PM20D2: variants seen among roughly 807,000 people sequenced by gnomAD.
PM20D2 encodes xaa-Arg dipeptidase.
In PM20D2, 33 loss-of-function variants were observed where a neutral mutation model predicts 42.9. That is an observed-to-expected ratio of 0.77 (90% confidence interval 0.58 to 1.03). The LOEUF (loss-of-function observed/expected upper bound fraction) is 1.03, where lower values mean the gene tolerates loss of function less well. PM20D2 is among the 50% of genes least tolerant of loss of function. PM20D2 has a pLI of 0.00. For synonymous variants in PM20D2, 250 were observed against 228.2 expected (o/e 1.10, Z -0.86); for missense variants, 548 against 557.0 (o/e 0.98, Z 0.16).
At chr6:89,158,119 AG>A (rs1179550982) in intron 4 of PM20D2, among the ~76,000 whole-genome samples, 1 of 152,200 alleles carries the variant, frequency 6.6e-6, no homozygotes, top group African/African-American at 2.4e-5. Context: ...GTGTATATAT[AG>A]CATAAAAGAG....
At chr6:89,102,469 C>T in the PM20D2 span, among the ~76,000 whole-genome samples, 1 of 151,844 alleles carries the variant, frequency 6.6e-6, no homozygotes, top group South Asian at 2.1e-4. Flanking sequence ...ACTGAAAATA[C>T]ATTGATGTAG....
At chr6:89,149,211 T>C (rs958034773) in intron 1 of PM20D2, 54 bp from the exon 2 acceptor site, 1 of 1,578,728 alleles carries the variant, frequency 6.3e-7, no homozygotes, top group African/African-American at 1.4e-5. Context: ...ACCTGTTTGA[T>C]ATATTCCTAT....
chr6:89,104,199 T>C, the PM20D2 span, among the ~76,000 whole-genome samples: 1 of 150,186 alleles, frequency 6.7e-6, no homozygotes, highest in African/African-American at 2.4e-5. Context: ...TTTAGGAAAA[T>C]TTTATTTATC....
chr6:89,100,668 A>G, the PM20D2 span, among the ~76,000 whole-genome samples: 3,064 of 152,328 alleles, frequency 0.02, 56 homozygotes, highest in Non-Finnish European at 0.035. Context: ...AATAAGAGGA[A>G]AAGACAAAAC....
chr6:89,097,771 T>C, the PM20D2 span: 1 of 152,252 alleles, frequency 6.6e-6, no homozygotes, highest in Admixed American at 6.5e-5. Flanking sequence ...AGTAGGTATG[T>C]GGAAATAATG....
At chr6:89,162,088 T>G (rs1235831278) in intron 6 of PM20D2, 21 bp from the exon 7 acceptor site, 4 of 1,593,086 alleles carry the variant, frequency 2.5e-6, no homozygotes, top group Admixed American at 3.7e-5. Context: ...AAGGAGGTAT[T>G]TTATTTTCTC....
At chr6:89,138,384 G>C in the PM20D2 span, among the ~76,000 whole-genome samples, 1 of 152,172 alleles carries the variant, frequency 6.6e-6, no homozygotes, top group African/African-American at 2.4e-5. Flanking sequence ...AGAAATGAGA[G>C]CATCAACTGC....
At chr6:89,161,751 A>C (rs765831211) in intron 5 of PM20D2, 32 bp from the exon 6 acceptor site, 1 of 1,508,606 alleles carries the variant, frequency 6.6e-7, no homozygotes, top group South Asian at 1.1e-5. Context: ...CATATACTTA[A>C]ATAGACTTTT....
rs1475584426 is a variant in PM20D2, at chr6:89,164,333, G to A, written c.*2070G>A. ...ATTCAGTGAACACTGGTTGAGGAGT[G>A]CCTATTTCTAAGCACTGGGTGTAAG... On this transcript the variant is annotated 3_prime_UTR_variant, in exon 7 of 7. Transcript: ENST00000275072. The A allele has an allele frequency of 6.6e-6, 1 of 152,538 alleles. No homozygotes were observed. Among genetic ancestry groups the A allele is most frequent in the African/African-American group, 2.4e-5 (1 of 41,448 alleles). The allele number at this position is 152,538 out of a possible 1,614,324, so 9.4% of individuals were successfully genotyped here.
In PM20D2 at chr6:89,158,043, C is replaced by T. The variant is rs113182792; in HGVS notation, c.913-282C>T. ...AAAAATTTCTGGGCCCTTCTCATACCCTATCTAGGTGACTGAAGTTGACAC... is the reference window on the plus strand; with the variant it reads ...AAAAATTTCTGGGCCCTTCTCATACTCTATCTAGGTGACTGAAGTTGACAC... On this transcript the variant is annotated intron_variant, in intron 4 of 6. Coordinates refer to ENST00000275072, the MANE Select transcript of PM20D2 (RefSeq NM_001010853.3). Among the ~76,000 whole-genome samples, 1,134 of 152,106 alleles carry T rather than the reference C, an allele frequency of 7.5e-3. 15 individuals are homozygous for T. Among genetic ancestry groups the T allele is most frequent in the African/African-American group, 0.026 (1,085 of 41,500 alleles).
Position 89,163,570 on chromosome 6 carries a change from C to T in PM20D2, c.*1307C>T, listed in dbSNP as rs1222198013. The T allele has an allele frequency of 6.6e-6, 1 of 152,240 alleles. No homozygotes were observed. The highest frequency in any genetic ancestry group is 2.4e-5 in the African/African-American group (1 of 41,416). The allele number at this position is 152,240 out of a possible 1,614,324, so 9.4% of individuals were successfully genotyped here. ...TCACAGCTCACTGCAGTCTCGAACT[C>T]CTGGACTCAAGCAGTCCTCCCACCT... is the stretch of plus-strand genomic sequence containing the variant. On this transcript the variant is annotated 3_prime_UTR_variant, in exon 7 of 7. Coordinates refer to ENST00000275072, the MANE Select transcript of PM20D2 (RefSeq NM_001010853.3).
At chr6:89,121,005 A>AT in the PM20D2 span, among the ~76,000 whole-genome samples, 1 of 152,082 alleles carries the variant, frequency 6.6e-6, no homozygotes, top group Non-Finnish European at 1.5e-5. Flanking sequence ...GTATTGTCAG[A>AT]TTTTTTTAAT....
the PM20D2 span, among the ~76,000 whole-genome samples, chr6:89,111,031 G>A: frequency 1.3e-5 from 2 of 152,060 alleles, no homozygotes; most frequent in African/African-American, 4.8e-5. Context: ...AGAATCACTT[G>A]AGCCCAGGAG....
chr6:89,105,668 A>G, the PM20D2 span: 1 of 565,494 alleles, frequency 1.8e-6, no homozygotes, highest in Non-Finnish European at 2.9e-6. Context: ...TAATATGAAT[A>G]ATCAGAAAAA....
chr6:89,101,741 G>C, the PM20D2 span, among the ~76,000 whole-genome samples: 1 of 151,944 alleles, frequency 6.6e-6, no homozygotes, highest in Non-Finnish European at 1.5e-5. Context: ...CCTTGCCAGA[G>C]AATGAAAGAC....
chr6:89,100,148 T>C, the PM20D2 span, among the ~76,000 whole-genome samples: 2 of 152,202 alleles, frequency 1.3e-5, no homozygotes, highest in Non-Finnish European at 2.9e-5. Context: ...CTTAAATCAC[T>C]GGCCATCTTC....
At chr6:89,114,937 C>G in the PM20D2 span, among the ~76,000 whole-genome samples, 1 of 151,868 alleles carries the variant, frequency 6.6e-6, no homozygotes, top group Non-Finnish European at 1.5e-5. Flanking sequence ...GCTGGGATCA[C>G]AGGCACGCAC....
At chr6:89,107,321 A>G in the PM20D2 span, 17 of 1,318,172 alleles carry the variant, frequency 1.3e-5, no homozygotes, top group African/African-American at 2.5e-4. Flanking sequence ...TTTTGCCTAC[A>G]GAAATCCACT....
the PM20D2 span, among the ~76,000 whole-genome samples, chr6:89,094,781 C>T: frequency 7.2e-6 from 1 of 138,860 alleles, no homozygotes. Flanking sequence ...TGCTACGCAT[C>T]TTTTTTTTTT....
Sources: gnomAD v4.1 joint callset for allele counts (sites outside exome capture counted in the v4.1 genomes callset) on GRCh38, gnomAD v4.1.1 for gene constraint, MANE v1.5 for transcripts, NCBI Gene and HGNC (gene_info 2026-07-23, HGNC 2026-07-21) for gene names.